ANGPT1: variants seen among roughly 807,000 people sequenced by gnomAD.
ANGPT1 encodes the protein angiopoietin 1, also known as angiopoietin-1.
A neutral mutation model predicts 62.2 loss-of-function variants in ANGPT1; 17 were observed. The observed-to-expected ratio is 0.27, with a 90% CI of 0.19 to 0.41. The LOEUF (loss-of-function observed/expected upper bound fraction) is 0.41, where lower values mean the gene tolerates loss of function less well. ANGPT1 is among the 10% of genes least tolerant of loss of function. ANGPT1 has a pLI of 1.00. For synonymous variants in ANGPT1, 199 were observed against 198.9 expected, an observed-to-expected ratio of 1.00 and a Z score of 0.00; for missense variants, 478 against 594.9, an observed-to-expected ratio of 0.80 and a Z score of 2.04.
chr8:107,429,467 T>C (rs933808543), intron 1 of ANGPT1, among the ~76,000 whole-genome samples: 2 of 152,168 alleles, frequency 1.3e-5, no homozygotes, highest in Non-Finnish European at 2.9e-5. Context: ...GTGTCACTAA[T>C]CAATAATGAC....
At chr8:107,273,296 T>C (rs1041349905) in intron 7 of ANGPT1, among the ~76,000 whole-genome samples, 34 of 152,206 alleles carry the variant, frequency 2.2e-4, no homozygotes, top group African/African-American at 8.2e-4. Flanking sequence ...TTGAAAACCA[T>C]TGAGATGCAT....
At chr8:107,283,966 A>C (rs1456595863) in intron 7 of ANGPT1, 2 of 152,182 alleles carry the variant, frequency 1.3e-5, no homozygotes, top group Non-Finnish European at 2.9e-5. Flanking sequence ...TAACACAATA[A>C]GTGTTCGTGC....
chr8:107,483,264 C>T (rs1423585633), intron 1 of ANGPT1, among the ~76,000 whole-genome samples: 1 of 152,040 alleles, frequency 6.6e-6, no homozygotes, highest in East Asian at 1.9e-4. Flanking sequence ...TCATATGAAA[C>T]ATAACAGTCA....
chr8:107,419,372 C>A (rs186048926), intron 1 of ANGPT1, among the ~76,000 whole-genome samples: 1 of 152,258 alleles, frequency 6.6e-6, no homozygotes, highest in Admixed American at 6.6e-5. Flanking sequence ...AGGAAAGGAA[C>A]ATCCTTATCC....
At chr8:107,373,930 G>C (rs1474048196) in intron 1 of ANGPT1, among the ~76,000 whole-genome samples, 2 of 152,196 alleles carry the variant, frequency 1.3e-5, no homozygotes, top group African/African-American at 4.8e-5. Context: ...TACTGCCTAT[G>C]CTAGCACTCA....
At chr8:107,375,040 G>C (rs1816501200) in intron 1 of ANGPT1, among the ~76,000 whole-genome samples, 1 of 152,120 alleles carries the variant, frequency 6.6e-6, no homozygotes, top group African/African-American at 2.4e-5. Flanking sequence ...CGCGCCTACA[G>C]TCCCAGCTAC....
chr8:107,334,392 C>A (rs577169305), intron 3 of ANGPT1, among the ~76,000 whole-genome samples: 14 of 152,168 alleles, frequency 9.2e-5, no homozygotes, highest in Non-Finnish European at 1.8e-4. Flanking sequence ...AAAATGACAT[C>A]TATCTCCAAA....
intron 1 of ANGPT1, among the ~76,000 whole-genome samples, chr8:107,436,701 A>G (rs1413310750): frequency 6.6e-6 from 1 of 152,158 alleles, no homozygotes. Flanking sequence ...ATAGAACCCA[A>G]CACTGACCCG....
At chr8:107,489,999 C>T (rs1812917144) in intron 1 of ANGPT1, among the ~76,000 whole-genome samples, 1 of 151,266 alleles carries the variant, frequency 6.6e-6, no homozygotes, top group South Asian at 2.1e-4. Context: ...CTAATGTATC[C>T]ACACAGAGAC....
At chr8:107,436,833 T>A (rs1365537244) in intron 1 of ANGPT1, among the ~76,000 whole-genome samples, 1 of 152,196 alleles carries the variant, frequency 6.6e-6, no homozygotes, top group Non-Finnish European at 1.5e-5. Context: ...TACATAAGAA[T>A]ATAAATTCCT....
In ANGPT1 at chr8:107,497,537, C is replaced by G; in HGVS notation, c.22G>C (p.Ala8Pro). 1.2e-6 allele frequency: 2 copies of G among 1,613,980 alleles called. No homozygotes were observed. Among genetic ancestry groups the G allele is most frequent in the East Asian group, 2.2e-5 (1 of 44,832 alleles). Reference protein sequence around the residue: MTVFLSFAFLAAILTHIG... With the variant: MTVFLSFPFLAAILTHIG... ...TGAGTCAGAATGGCAGCGAGGAAAG[C>G]AAAGGAAAGGAAAACTGTCATTGTA... Residue 8 changes from alanine to proline, a missense_variant, in exon 1 of 9, where the codon GCT becomes CCT. By Grantham distance (27) the Ala-to-Pro change is conservative. This residue lies in a region of ANGPT1 where 343 missense variants were observed against 355.4 expected (regional missense o/e 0.97). Transcript: ENST00000517746.
rs138121528 is a variant in ANGPT1, at chr8:107,352,795, G to T, written c.298-5698C>A. On this transcript the variant is annotated intron_variant, in intron 1 of 8. Transcript: ENST00000517746. ...ATGTTGGTGCATATGGCATTACTCA[G>T]TTATGACAAAACAACCATGAAATAA... Among the ~76,000 whole-genome samples, 526 of 152,120 alleles carry T rather than the reference G, an allele frequency of 3.5e-3. 7 individuals are homozygous for T. Among genetic ancestry groups the T allele is most frequent in the African/African-American group, 0.012 (508 of 41,514 alleles).
At chr8:107,397,142 G>A (rs989730671) in intron 1 of ANGPT1, among the ~76,000 whole-genome samples, 1 of 152,102 alleles carries the variant, frequency 6.6e-6, no homozygotes, top group Non-Finnish European at 1.5e-5. Flanking sequence ...GTTACCCGTA[G>A]AAGGAACATG....
intron 3 of ANGPT1, among the ~76,000 whole-genome samples, chr8:107,335,851 T>C (rs1815545418): frequency 6.6e-6 from 1 of 150,644 alleles, no homozygotes; most frequent in Non-Finnish European, 1.5e-5. Context: ...TCACTTTATT[T>C]AGTCATAGAA....
intron 1 of ANGPT1, among the ~76,000 whole-genome samples, chr8:107,475,500 C>T (rs1812493886): frequency 6.6e-6 from 1 of 152,140 alleles, no homozygotes; most frequent in South Asian, 2.1e-4. Context: ...AAAACCTAGG[C>T]AATACCATTC....
chr8:107,441,771 A>G (rs1420276912), intron 1 of ANGPT1, among the ~76,000 whole-genome samples: 13 of 152,082 alleles, frequency 8.5e-5, no homozygotes, highest in Non-Finnish European at 4.4e-5. Flanking sequence ...CCCTAATAGA[A>G]GTCAGGTCTT....
At chr8:107,307,758 A>C (rs1383695745) in intron 4 of ANGPT1, among the ~76,000 whole-genome samples, 2 of 152,084 alleles carry the variant, frequency 1.3e-5, no homozygotes, top group African/African-American at 4.8e-5. Context: ...CATGGCTTCC[A>C]ACTGCGGCAC....
intron 8 of ANGPT1, among the ~76,000 whole-genome samples, chr8:107,256,865 TG>T (rs1813369783): frequency 6.6e-6 from 1 of 151,914 alleles, no homozygotes; most frequent in Admixed American, 6.6e-5. Flanking sequence ...TGTTTTGTTT[TG>T]TTTTTTTTGA....
At chr8:107,496,534 T>C (rs186210009) in intron 1 of ANGPT1, among the ~76,000 whole-genome samples, 36 of 152,352 alleles carry the variant, frequency 2.4e-4, no homozygotes, top group African/African-American at 8.7e-4. Flanking sequence ...TATAGTAGAC[T>C]ACATGCTGCG....
Sources: allele counts gnomAD v4.1 joint callset (sites outside exome capture counted in the v4.1 genomes callset), GRCh38; gene constraint gnomAD v4.1.1; regional missense constraint gnomAD v4.1.1; transcripts MANE v1.5; gene names NCBI Gene and HGNC (gene_info 2026-07-23, HGNC 2026-07-21).